LZTR1: variants seen among roughly 807,000 people sequenced by gnomAD.
LZTR1 encodes the protein leucine zipper like post translational regulator 1.
Under a neutral mutation model 105.7 loss-of-function variants are expected in LZTR1, and 260 were observed. That is an observed-to-expected ratio of 2.46 (90% confidence interval 2.22 to 2.72). LZTR1 has a LOEUF of 2.72. LZTR1 is among the 30% of genes most tolerant of loss of function. The probability of loss-of-function intolerance (pLI) is 0.00; values close to 1 mark genes in which losing one functional copy is unlikely to be tolerated. For synonymous variants in LZTR1, 490 were observed against 476.4 expected (o/e 1.03, Z -0.37); for missense variants, 1,214 against 1,166.9 (o/e 1.04, Z -0.59).
rs779018174 is a variant in LZTR1 at position 20,995,789 on chromosome 22, G to A, written c.1986G>A (p.Ala662=). 16 of 1,613,582 alleles carry A rather than the reference G, an allele frequency of 9.9e-6. No individual in the cohort carries two copies. Among genetic ancestry groups the A allele is most frequent in the East Asian group, 2.2e-5 (1 of 44,850 alleles). The change falls in exon 17 of 21, where the codon GCG becomes GCA. Residue 662 remains alanine, a synonymous_variant. Transcript: ENST00000646124. ...IQDMKAYLEG[A]GAEFCDITLL... Reference sequence around the variant, plus strand: ...ACATGAAGGCATACCTGGAGGGAGCGGGCGCGGAATTCTGTGACATCACTC... The same window carrying A: ...ACATGAAGGCATACCTGGAGGGAGCAGGCGCGGAATTCTGTGACATCACTC...
rs746949078 is a variant in LZTR1 at position 20,993,711 on chromosome 22, G to C, written c.1310G>C (p.Trp437Ser). The C allele has an allele frequency of 1.2e-6, 2 of 1,613,492 alleles. No individual in the cohort carries two copies. Among genetic ancestry groups the C allele is most frequent in the Non-Finnish European group, 1.7e-6 (2 of 1,179,948 alleles). Residue 437 changes from tryptophan (W) to serine (S), a missense_variant, in exon 12 of 21, where the codon TGG (tryptophan) becomes TCG (serine). Trp to Ser is a radical substitution (Grantham distance 177). Transcript: ENST00000646124. ...CTLHEDYGRLWESRQFCDVEF... is the reference protein window; with the variant it reads ...CTLHEDYGRLSESRQFCDVEF... The stretch of plus-strand genomic sequence containing the variant: ...CTGCACGAGGACTACGGGCGGCTGT[G>C]GGAGAGCCGCCAGTTCTGCGACGTG...
At chr22:20,988,714 C>A in intron 5 of LZTR1, 75 bp from the exon 6 acceptor site, 2 of 1,101,058 alleles carry the variant, frequency 1.8e-6, no homozygotes, top group Non-Finnish European at 2.8e-6. Flanking sequence ...GGCCCCTGCA[C>A]TGACCACATG....
In LZTR1 at chr22:20,993,674, C is replaced by T; in HGVS notation, c.1273C>T (p.Pro425Ser). 1 of 1,613,420 alleles carries T rather than the reference C, an allele frequency of 6.2e-7. No homozygotes were observed. The highest frequency in any genetic ancestry group is 8.5e-7 in the Non-Finnish European group (1 of 1,179,848). ...GCCCCTCTTGCAGTTCTCCTGTTAC[C>T]CTAAATGCACGCTGCACGAGGACTA... ...EMYRFQFSCY[P>S]KCTLHEDYGR... The change falls in exon 12 of 21, where the codon CCT (proline) becomes TCT (serine). Residue 425 changes from proline to serine, a missense_variant. Pro to Ser is a moderately conservative substitution (Grantham distance 74). Coordinates refer to ENST00000646124, the MANE Select transcript of LZTR1 (RefSeq NM_006767.4).
intron 12 of LZTR1, 39 bp from the exon 13 acceptor site, chr22:20,993,885 G>T: frequency 6.3e-7 from 1 of 1,594,942 alleles, no homozygotes. Context: ...CTGGGGCGAG[G>T]GTCCTGTGCC....
rs1601720654 is a variant in LZTR1, at chr22:20,993,537, C to T, written c.1261-125C>T. ...GGCTGCTTCCTCTCCTCAGCCAGGC[C>T]CACCTGCCTCCTGGGCCCTGAGGGT... On this transcript the variant is annotated intron_variant, in intron 11 of 20. Transcript: ENST00000646124. The T allele has an allele frequency of 8.2e-6, 6 of 730,548 alleles. No homozygotes were observed. In the East Asian group the frequency reaches 1.6e-4, roughly 20 times the overall value. The allele number at this position is 730,548 out of a possible 1,614,324, so 45.3% of individuals were successfully genotyped here. A position where few individuals can be genotyped will look rare whatever the true frequency, so the allele number is the denominator to read the frequency against.
Position 20,997,309 on chromosome 22 carries a change from C to T in LZTR1, c.2484C>T (p.Ile828=), listed in dbSNP as rs1924901816. The T allele has an allele frequency of 1.4e-5, 23 of 1,613,762 alleles. No homozygotes were observed. Among genetic ancestry groups the T allele is most frequent in the Non-Finnish European group, 1.9e-5 (22 of 1,179,990 alleles). Residue 828 remains isoleucine (I), a synonymous_variant, in exon 21 of 21, where the codon ATC becomes ATT. Coordinates refer to ENST00000646124, the MANE Select transcript of LZTR1 (RefSeq NM_006767.4). ...LDIIDSLASH[I]SDKQCAELGA... Reference sequence around the variant, plus strand: ...TCATAGACTCCCTGGCCTCCCACATCTCAGACAAGCAGTGCGCAGAGCTGG... The same window carrying T: ...TCATAGACTCCCTGGCCTCCCACATTTCAGACAAGCAGTGCGCAGAGCTGG...
In LZTR1 at chr22:20,983,075, TG is replaced by T; in HGVS notation, c.251del (p.Gly84ValfsTer17). 6.2e-7 allele frequency: 1 copy of T among 1,614,080 alleles called. No individual in the cohort carries two copies. Among genetic ancestry groups the T allele is most frequent in the Non-Finnish European group, 8.5e-7 (1 of 1,179,932 alleles). ...CCTATAAAGATGCCATTTATGTATTTGGTGGAGACAATGGGTGAGTGAGTCT... is the reference window on the plus strand; with the variant it reads ...CCTATAAAGATGCCATTTATGTATTTGTGGAGACAATGGGTGAGTGAGTCT... ...VAYKDAIYVFGGDNGKTMLND... is the reference protein window; with the variant it reads ...VAYKDAIYVFXGDNGKTMLND... On this transcript the variant is annotated frameshift_variant, in exon 2 of 21. Coordinates refer to ENST00000646124, the MANE Select transcript of LZTR1 (RefSeq NM_006767.4). LOFTEE classifies it high-confidence loss of function.
rs745597950 is a variant in LZTR1, at chr22:20,994,603, C to T, written c.1661C>T (p.Ala554Val). The T allele has an allele frequency of 6.8e-6, 11 of 1,612,530 alleles. No individual in the cohort carries two copies. The highest frequency in any genetic ancestry group is 1.3e-5 in the African/African-American group (1 of 75,062). The change falls in exon 15 of 21, where the codon GCA becomes GTA. Residue 554 changes from alanine (A) to valine (V), a missense_variant. Ala to Val is a moderately conservative substitution (Grantham distance 64). Coordinates refer to ENST00000646124, the MANE Select transcript of LZTR1 (RefSeq NM_006767.4). Reference protein sequence around the residue: ...VLLIMDVYKLALSFQLCRLEQ... With the variant: ...VLLIMDVYKLVLSFQLCRLEQ... ...CTCATCATGGATGTGTACAAACTGG[C>T]ACTGAGCTTCCAGTTGTGCCGCCTG...
chr22:20,997,306 C>G lies in LZTR1; in HGVS notation c.2481C>G (p.His827Gln). The change falls in exon 21 of 21, where the codon CAC becomes CAG. Residue 827 changes from histidine (H) to glutamine (Q), a missense_variant. By Grantham distance (24) the His-to-Gln change is conservative. Coordinates refer to ENST00000646124, the MANE Select transcript of LZTR1 (RefSeq NM_006767.4). ...ACATCATAGACTCCCTGGCCTCCCA[C>G]ATCTCAGACAAGCAGTGCGCAGAGC... ...LLDIIDSLAS[H>Q]ISDKQCAELG... 1 of 1,613,816 alleles carries G rather than the reference C, an allele frequency of 6.2e-7. No individual in the cohort carries two copies. Among genetic ancestry groups the G allele is most frequent in the Non-Finnish European group, 8.5e-7 (1 of 1,180,010 alleles).
In LZTR1 at chr22:20,989,625, GT is replaced by G. The variant is rs1298082715; in HGVS notation, c.596del (p.Leu199Ter). ...IFAGYDGNAR[L>X]NDMWTIGLQD... ...TCCTCACTGGTCTGTCCTAATACAGGTTGAATGACATGTGGACAATTGGCCT... is the reference window on the plus strand; with the variant it reads ...TCCTCACTGGTCTGTCCTAATACAGGTGAATGACATGTGGACAATTGGCCT... On this transcript the variant is annotated frameshift_variant and splice_region_variant, in exon 7 of 21. Transcript: ENST00000646124. LOFTEE classifies it high-confidence loss of function. 6.2e-7 allele frequency: 1 copy of G among 1,613,686 alleles called. No individual in the cohort carries two copies. The highest frequency in any genetic ancestry group is 1.1e-5 in the South Asian group (1 of 91,084).
intron 12 of LZTR1, 43 bp from the exon 13 acceptor site, chr22:20,993,881 C>T (rs766995681): frequency 1.8e-5 from 28 of 1,589,476 alleles, no homozygotes; most frequent in East Asian, 2.3e-5. Context: ...TTCTCTGGGG[C>T]GAGGGTCCTG....
At position 20,993,659 on chromosome 22, in the gene LZTR1, C is replaced by T. The variant is rs770882185; in HGVS notation, c.1261-3C>T. On this transcript the variant is annotated splice_region_variant and splice_polypyrimidine_tract_variant and intron_variant, in intron 11 of 20. Coordinates refer to ENST00000646124, the MANE Select transcript of LZTR1 (RefSeq NM_006767.4). ...ATCTAGTCTCACTGGGCCCCTCTTGCAGTTCTCCTGTTACCCTAAATGCAC... is the reference window on the plus strand; with the variant it reads ...ATCTAGTCTCACTGGGCCCCTCTTGTAGTTCTCCTGTTACCCTAAATGCAC... 5.0e-6 allele frequency: 8 copies of T among 1,612,394 alleles called. 1 individual carries two copies. The South Asian group carries it at 8.8e-5, about 18-fold the overall frequency.
chr22:20,992,667 C>T, intron 10 of LZTR1, 127 bp from the exon 11 acceptor site: 1 of 684,018 alleles, frequency 1.5e-6, no homozygotes, highest in Non-Finnish European at 2.5e-6. Flanking sequence ...GCCCTCATCC[C>T]TTGGGGACCC....
Position 20,994,861 on chromosome 22 carries a change from C to T in LZTR1, c.1786-9C>T, listed in dbSNP as rs757959950. 2.5e-6 allele frequency: 4 copies of T among 1,612,770 alleles called. No homozygotes were observed. The highest frequency in any genetic ancestry group is 2.2e-5 in the East Asian group (1 of 44,892). ...ACTCTGCCTGCCTGCCTGTGCCTGT[C>T]TGCCCCAGGAGCACTGCCTGAACTT... On this transcript the variant is annotated splice_polypyrimidine_tract_variant and intron_variant, in intron 15 of 20. Coordinates refer to ENST00000646124, the MANE Select transcript of LZTR1 (RefSeq NM_006767.4).
rs1311529652 is a variant in LZTR1, at chr22:20,985,892, G to A, written c.315G>A (p.Trp105Ter). 8 of 1,614,122 alleles carry A rather than the reference G, an allele frequency of 5.0e-6. No individual in the cohort carries two copies. The highest frequency in any genetic ancestry group is 1.3e-5 in the African/African-American group (1 of 75,062). The stretch of plus-strand genomic sequence containing the variant: ...GGTTCGATGTGAAAGACTGCTCCTG[G>A]TGCAGGTGGGTGGCCCCGTGCTCCA... Reference protein sequence around the residue: ...LLRFDVKDCSWCRAFTTGTPP... With the variant: ...LLRFDVKDCS Residue 105 changes from tryptophan to a stop codon, truncating the protein, a stop_gained, in exon 3 of 21, where the codon TGG (tryptophan) becomes TGA (stop). Coordinates refer to ENST00000646124, the MANE Select transcript of LZTR1 (RefSeq NM_006767.4). LOFTEE classifies it high-confidence loss of function.
chr22:20,984,617 G>GCA (rs56211814), intron 2 of LZTR1, among the ~76,000 whole-genome samples: 1 of 144,500 alleles, frequency 6.9e-6, no homozygotes, highest in Non-Finnish European at 1.5e-5. Context: ...GTAAGGAGGG[G>GCA]GGGGGGGCGG....
Position 20,994,691 on chromosome 22 carries a change from CGA to C in LZTR1, c.1753_1754del (p.Ser585CysfsTer83). On this transcript the variant is annotated frameshift_variant, in exon 15 of 21. Coordinates refer to ENST00000646124, the MANE Select transcript of LZTR1 (RefSeq NM_006767.4). LOFTEE classifies it high-confidence loss of function. ...VDLQNVLVVC[E>X]SAARLQLSQL... ...ACCTGCAGAACGTGCTGGTTGTGTG[CGA>C]GAGTGCCGCCCGGCTGCAGCTGAGC... 5 of 1,612,570 alleles carry C rather than the reference CGA, an allele frequency of 3.1e-6. No homozygotes were observed. Among genetic ancestry groups the C allele is most frequent in the Non-Finnish European group, 4.2e-6 (5 of 1,179,964 alleles).
chr22:20,987,467 C>T (rs562900859), intron 3 of LZTR1, 37 bp from the exon 4 acceptor site: 20 of 1,249,206 alleles, frequency 1.6e-5, no homozygotes, highest in South Asian at 1.4e-4. Flanking sequence ...TCATGGGTGA[C>T]CCCCGCTGAC....
At position 20,994,617 on chromosome 22, in the gene LZTR1, T is replaced by C. The variant is rs1472282882; in HGVS notation, c.1675T>C (p.Leu559=). 6.2e-6 allele frequency: 10 copies of C among 1,612,646 alleles called. No homozygotes were observed. The highest frequency in any genetic ancestry group is 8.5e-6 in the Non-Finnish European group (10 of 1,179,932). Residue 559 remains leucine, a synonymous_variant, in exon 15 of 21, where the codon TTG becomes CTG. Coordinates refer to ENST00000646124, the MANE Select transcript of LZTR1 (RefSeq NM_006767.4). The part of the protein sequence containing the change: ...DVYKLALSFQ[L]CRLEQLCRQY... ...GTACAAACTGGCACTGAGCTTCCAG[T>C]TGTGCCGCCTGGAGCAGCTGTGCCG...
Sources: gnomAD v4.1 joint callset for allele counts (sites outside exome capture counted in the v4.1 genomes callset) on GRCh38, gnomAD v4.1.1 for gene constraint, MANE v1.5 for transcripts, NCBI Gene and HGNC (gene_info 2026-07-23, HGNC 2026-07-21) for gene names.